Variants in WWP2 observed in about 807,000 individuals in gnomAD.
WWP2 encodes NEDD4-like E3 ubiquitin-protein ligase WWP2.
Under a neutral mutation model 121.0 loss-of-function variants are expected in WWP2, and 57 were observed. The ratio of observed to expected loss-of-function variants is 0.47; its 90% CI spans 0.38 to 0.59. The LOEUF is 0.59. Among genes scored for constraint, WWP2 ranks in the 20% least tolerant of loss-of-function variants. The pLI, the probability that WWP2 is intolerant of heterozygous loss-of-function variation, is 0.00. For synonymous variants in WWP2, 449 were observed against 441.3 expected, an observed-to-expected ratio of 1.02 and a Z score of -0.22; for missense variants, 962 against 1,158.9, an observed-to-expected ratio of 0.83 and a Z score of 2.47.
At chr16:69,817,706 C>T (rs1313043283) in intron 4 of WWP2, among the ~76,000 whole-genome samples, 5 of 140,946 alleles carry the variant, frequency 3.5e-5, no homozygotes, top group African/African-American at 8.0e-5. Context: ...AGTCTCGCTC[C>T]GTCACACAGG....
intron 8 of WWP2, among the ~76,000 whole-genome samples, chr16:69,897,501 C>A (rs1361768357): frequency 6.6e-6 from 1 of 152,128 alleles, no homozygotes. Context: ...GATCTCATTC[C>A]CTGTATACAG....
intron 4 of WWP2, among the ~76,000 whole-genome samples, chr16:69,833,926 G>A (rs988867057): frequency 1.3e-5 from 2 of 152,164 alleles, no homozygotes; most frequent in South Asian, 4.1e-4. Flanking sequence ...ACTCATGCTA[G>A]GGAGGAGGCC....
chr16:69,920,740 T>C (rs542163801), intron 10 of WWP2, among the ~76,000 whole-genome samples: 1 of 152,238 alleles, frequency 6.6e-6, no homozygotes, highest in East Asian at 1.9e-4. Context: ...TGACCTATAA[T>C]AGTGCCACTG....
At chr16:69,779,327 G>T (rs372105519) in intron 1 of WWP2, among the ~76,000 whole-genome samples, 1 of 152,218 alleles carries the variant, frequency 6.6e-6, no homozygotes, top group African/African-American at 2.4e-5. Flanking sequence ...TAATGTCAGG[G>T]TGGTATCTTG....
intron 1 of WWP2, among the ~76,000 whole-genome samples, chr16:69,777,172 A>G (rs528218039): frequency 6.6e-6 from 1 of 151,984 alleles, no homozygotes; most frequent in South Asian, 2.1e-4. Context: ...ACATATGGAT[A>G]TACACATATG....
intron 7 of WWP2, 72 bp downstream of exon 7, chr16:69,872,003 A>G: frequency 6.5e-7 from 1 of 1,536,550 alleles, no homozygotes; most frequent in Non-Finnish European, 8.8e-7. Flanking sequence ...TGGACACGGG[A>G]TCCTGCCCAC....
intron 4 of WWP2, among the ~76,000 whole-genome samples, chr16:69,832,360 T>C (rs2056809387): frequency 6.6e-6 from 1 of 151,936 alleles, no homozygotes; most frequent in Admixed American, 6.6e-5. Flanking sequence ...CCCGACATAC[T>C]TCAACTATAA....
intron 6 of WWP2, among the ~76,000 whole-genome samples, chr16:69,850,610 A>G (rs1458581600): frequency 6.6e-6 from 1 of 152,126 alleles, no homozygotes; most frequent in East Asian, 1.9e-4. Context: ...TGCCAGACCG[A>G]CGAAGTGGGG....
chr16:69,798,572 A>G, intron 2 of WWP2, 110 bp from the exon 3 acceptor site: 1 of 1,276,934 alleles, frequency 7.8e-7, no homozygotes, highest in Non-Finnish European at 1.1e-6. Flanking sequence ...AACAAAATGT[A>G]TTGATTTATT....
chr16:69,898,037 T>TG (rs2058136568), intron 8 of WWP2, among the ~76,000 whole-genome samples: 1 of 148,268 alleles, frequency 6.7e-6, no homozygotes, highest in African/African-American at 2.5e-5. Flanking sequence ...CTTTTTTTTT[T>TG]TTTTTTGAGA....
intron 4 of WWP2, among the ~76,000 whole-genome samples, chr16:69,827,742 C>A (rs1242377689): frequency 6.6e-6 from 1 of 152,202 alleles, no homozygotes; most frequent in Admixed American, 6.5e-5. Flanking sequence ...CTGTTGGAGC[C>A]AGGCAGGGCC....
chr16:69,785,628 T>A (rs1284950482), intron 1 of WWP2, among the ~76,000 whole-genome samples: 3 of 142,048 alleles, frequency 2.1e-5, no homozygotes, highest in African/African-American at 5.1e-5. Context: ...GCTGCACATC[T>A]TTTTTTTTTT....
intron 1 of WWP2, among the ~76,000 whole-genome samples, chr16:69,774,264 AT>A (rs375644118): frequency 3.4e-5 from 5 of 149,214 alleles, no homozygotes; most frequent in Non-Finnish European, 1.5e-5. Context: ...CCTCAACAGC[AT>A]TTTTTTTTTG....
Position 69,786,581 on chromosome 16 carries a change from G to T in WWP2, c.-15-415G>T, listed in dbSNP as rs535145994. Among the ~76,000 whole-genome samples, 44 of 150,632 alleles carry T rather than the reference G, an allele frequency of 2.9e-4. No homozygotes were observed. In the South Asian group the frequency reaches 9.2e-3, roughly 31 times the overall value. ...TTCTCCTGCCTCAGCCTCCAGAGTTGCTGGGATTACAGGCATGCAGCACCA... is the reference window on the plus strand; with the variant it reads ...TTCTCCTGCCTCAGCCTCCAGAGTTTCTGGGATTACAGGCATGCAGCACCA... On this transcript the variant is annotated intron_variant, in intron 1 of 23. Transcript: ENST00000359154.
At chr16:69,817,293 A>G (rs1292142131) in intron 4 of WWP2, among the ~76,000 whole-genome samples, 1 of 152,120 alleles carries the variant, frequency 6.6e-6, no homozygotes, top group Non-Finnish European at 1.5e-5. Context: ...CTGTCACCCA[A>G]GCTGGAGTGC....
At chr16:69,865,109 G>A (rs1452552985) in intron 6 of WWP2, among the ~76,000 whole-genome samples, 4 of 151,458 alleles carry the variant, frequency 2.6e-5, no homozygotes, top group Admixed American at 2.6e-4. Flanking sequence ...GAGTGCAGTG[G>A]CGTGATCTCG....
At chr16:69,822,962 C>T (rs2056620344) in intron 4 of WWP2, among the ~76,000 whole-genome samples, 1 of 152,140 alleles carries the variant, frequency 6.6e-6, no homozygotes, top group African/African-American at 2.4e-5. Flanking sequence ...CATGACAAAG[C>T]TCCATCTTTA....
In WWP2 at chr16:69,807,100, C is replaced by T. The variant is rs1329464221; in HGVS notation, c.340+7805C>T. On this transcript the variant is annotated intron_variant, in intron 4 of 23. Transcript: ENST00000359154. ...ATGGAGTGCAATGGCATGATCTTGG[C>T]TCACTGCAACCTCTGCCTCCTGGTT... 3.3e-5 allele frequency among the ~76,000 whole-genome samples: 5 copies of T among 151,664 alleles called. No homozygotes were observed. The East Asian group carries it at 5.8e-4, about 18-fold the overall frequency.
intron 7 of WWP2, among the ~76,000 whole-genome samples, chr16:69,878,879 A>G (rs1039572450): frequency 2.0e-5 from 3 of 152,152 alleles, no homozygotes; most frequent in African/African-American, 4.8e-5. Context: ...AATGAGCTCT[A>G]GTGTGTATTA....
Sources: allele counts gnomAD v4.1 joint callset (sites outside exome capture counted in the v4.1 genomes callset), GRCh38; gene constraint gnomAD v4.1.1; transcripts MANE v1.5; gene names NCBI Gene and HGNC (gene_info 2026-07-23, HGNC 2026-07-21).